KCNH1: variants seen among roughly 807,000 people sequenced by gnomAD.
KCNH1 encodes the protein potassium voltage-gated channel subfamily H member 1, also known as voltage-gated delayed rectifier potassium channel KCNH1.
A neutral mutation model predicts 69.2 loss-of-function variants in KCNH1; 27 were observed. The ratio of observed to expected loss-of-function variants is 0.39; its 90% CI spans 0.29 to 0.54. The LOEUF is 0.54. Among genes scored for constraint, KCNH1 ranks in the 20% least tolerant of loss-of-function variants. KCNH1 has a pLI of 0.68. For missense variants in KCNH1, 798 were observed against 1,261.6 expected (o/e 0.63, Z 5.57); for synonymous variants, 456 against 487.7 (o/e 0.93, Z 0.86).
intron 7 of KCNH1, among the ~76,000 whole-genome samples, chr1:210,841,296 G>C (rs1685404981): frequency 1.3e-5 from 2 of 152,038 alleles, no homozygotes; most frequent in Non-Finnish European, 2.9e-5. Flanking sequence ...ACCATAAAAG[G>C]CCAGCCTTCA....
chr1:210,909,458 G>A (rs1488026666), intron 7 of KCNH1, among the ~76,000 whole-genome samples: 1 of 152,202 alleles, frequency 6.6e-6, no homozygotes, highest in African/African-American at 2.4e-5. Flanking sequence ...CTGTGGCCCT[G>A]GAGTGAACAC....
At chr1:210,733,444 C>T (rs569282660) in intron 10 of KCNH1, among the ~76,000 whole-genome samples, 6 of 152,152 alleles carry the variant, frequency 3.9e-5, no homozygotes, top group African/African-American at 9.7e-5. Flanking sequence ...CTTCAATTAC[C>T]GTCCAAACCA....
chr1:210,746,566 TTTC>T (rs1199328231), intron 10 of KCNH1, among the ~76,000 whole-genome samples: 6 of 115,080 alleles, frequency 5.2e-5, no homozygotes, highest in Admixed American at 1.8e-4. Context: ...TCTTTCTTTC[TTTC>T]TTTTTTTTTT....
At chr1:211,103,068 T>A (rs1016912423) in intron 3 of KCNH1, among the ~76,000 whole-genome samples, 5 of 152,194 alleles carry the variant, frequency 3.3e-5, no homozygotes. Flanking sequence ...GGGACAAACT[T>A]TTATTTAGAA....
At chr1:210,690,725 C>T (rs568307782) in intron 10 of KCNH1, among the ~76,000 whole-genome samples, 7 of 152,264 alleles carry the variant, frequency 4.6e-5, no homozygotes, top group African/African-American at 1.7e-4. Flanking sequence ...ACATGACAGC[C>T]CAGAACATGG....
intron 7 of KCNH1, among the ~76,000 whole-genome samples, chr1:210,900,334 C>G (rs1342874629): frequency 2.0e-5 from 3 of 152,218 alleles, no homozygotes; most frequent in Non-Finnish European, 4.4e-5. Context: ...TGGGGCTGTT[C>G]AGACAGTTCA....
chr1:210,917,220 AGAGAGAGAG>A (rs1687354991), intron 7 of KCNH1, among the ~76,000 whole-genome samples: 3 of 122,538 alleles, frequency 2.4e-5, no homozygotes, highest in African/African-American at 6.4e-5. Flanking sequence ...AGAGAGAGAG[AGAGAGAGAG>A]AGAAAGAAAG....
At chr1:211,009,691 C>T (rs1000686025) in intron 6 of KCNH1, among the ~76,000 whole-genome samples, 9 of 151,972 alleles carry the variant, frequency 5.9e-5, no homozygotes, top group African/African-American at 2.2e-4. Context: ...TCTCTGCAAC[C>T]TCCACCTCCC....
Position 210,840,806 on chromosome 1 carries a change from T to G in KCNH1, c.1463-36640A>C, listed in dbSNP as rs375231946. Among the ~76,000 whole-genome samples, 4 of 152,314 alleles carry G rather than the reference T, an allele frequency of 2.6e-5. No individual in the cohort carries two copies. The South Asian group carries it at 6.2e-4, about 24-fold the overall frequency. ...GTCACCCAAGCTACCATTGCTTCCC[T>G]GCTACCGTTAAAATAACAAAACTCA... On this transcript the variant is annotated intron_variant, in intron 7 of 10. Transcript: ENST00000271751.
chr1:210,975,472 A>T (rs1688590124), intron 6 of KCNH1, among the ~76,000 whole-genome samples: 1 of 152,216 alleles, frequency 6.6e-6, no homozygotes. Flanking sequence ...GATCTTTGAC[A>T]AACCTGACAA....
At chr1:210,957,007 G>C (rs755653699) in intron 6 of KCNH1, among the ~76,000 whole-genome samples, 1 of 152,080 alleles carries the variant, frequency 6.6e-6, no homozygotes, top group African/African-American at 2.4e-5. Context: ...TGTGATGTTA[G>C]GGTGTCGATT....
chr1:210,963,413 G>A (rs978084852), intron 6 of KCNH1, among the ~76,000 whole-genome samples: 1 of 152,014 alleles, frequency 6.6e-6, no homozygotes, highest in Non-Finnish European at 1.5e-5. Context: ...ACCAGCGAGG[G>A]AACAAAACTG....
Position 210,946,915 on chromosome 1 carries a change from T to A in KCNH1, c.1033-26846A>T, listed in dbSNP as rs535870570. On this transcript the variant is annotated intron_variant, in intron 6 of 10. Transcript: ENST00000271751. ...CATTTTAGAACTCTTCCTTGACATC[T>A]CAGCCAGAGCGGCCCCACTCCCAAG... 7.2e-4 allele frequency among the ~76,000 whole-genome samples: 110 copies of A among 152,274 alleles called. 1 individual carries two copies. The highest frequency in any genetic ancestry group is 2.6e-3 in the African/African-American group (110 of 41,548).
chr1:210,888,207 T>G (rs967279078), intron 7 of KCNH1, among the ~76,000 whole-genome samples: 1 of 152,074 alleles, frequency 6.6e-6, no homozygotes. Context: ...TAACAAACAG[T>G]CTGTCAGACC....
At chr1:210,858,196 C>T (rs1369649611) in intron 7 of KCNH1, 1 of 152,184 alleles carries the variant, frequency 6.6e-6, no homozygotes, top group Non-Finnish European at 1.5e-5. Context: ...AACTCTTTCA[C>T]AGTAGAACTT....
At chr1:210,815,400 CA>C (rs755124469) in intron 7 of KCNH1, among the ~76,000 whole-genome samples, 14 of 152,116 alleles carry the variant, frequency 9.2e-5, no homozygotes, top group Non-Finnish European at 1.9e-4. Context: ...GCCATGAAGC[CA>C]GGTGAGAATG....
At chr1:210,797,993 G>A (rs1037703003) in intron 8 of KCNH1, among the ~76,000 whole-genome samples, 1 of 150,966 alleles carries the variant, frequency 6.6e-6, no homozygotes, top group South Asian at 2.1e-4. Flanking sequence ...GGAGTAAGTG[G>A]GACCCCTGTA....
rs530258103 is a variant in KCNH1 at position 210,940,225 on chromosome 1, G to A, written c.1033-20156C>T. Reference sequence around the variant, plus strand: ...ATCATTTCCTGAAAACCTAGGACAGGAAGACACAGCCAAGAGCTACCAGTG... The same window carrying A: ...ATCATTTCCTGAAAACCTAGGACAGAAAGACACAGCCAAGAGCTACCAGTG... On this transcript the variant is annotated intron_variant, in intron 6 of 10. Coordinates refer to ENST00000271751, the MANE Select transcript of KCNH1 (RefSeq NM_172362.3). Among the ~76,000 whole-genome samples, 6 of 152,242 alleles carry A rather than the reference G, an allele frequency of 3.9e-5. No individual in the cohort carries two copies. In the South Asian group the frequency reaches 1.2e-3, roughly 32 times the overall value.
At chr1:211,132,305 A>T (rs1461285666) in intron 1 of KCNH1, among the ~76,000 whole-genome samples, 3 of 152,244 alleles carry the variant, frequency 2.0e-5, no homozygotes, top group African/African-American at 7.2e-5. Context: ...TTTATTTAAA[A>T]ATAAATGAAC....
Sources: gnomAD v4.1 joint callset for allele counts (sites outside exome capture counted in the v4.1 genomes callset) on GRCh38, gnomAD v4.1.1 for gene constraint, MANE v1.5 for transcripts, NCBI Gene and HGNC (gene_info 2026-07-23, HGNC 2026-07-21) for gene names.